The following XIRP2 variants were observed in gnomAD, a reference collection of about 807,000 sequenced individuals.
The protein encoded by XIRP2 is xin actin binding repeat containing 2.
Under a neutral mutation model 277.0 loss-of-function variants are expected in XIRP2, and 236 were observed. The ratio of observed to expected loss-of-function variants is 0.85; its 90% CI spans 0.77 to 0.95. XIRP2 has a LOEUF of 0.95. Among genes scored for constraint, XIRP2 ranks in the 40% least tolerant of loss-of-function variants. The pLI is 0.00. For synonymous variants in XIRP2, 1,490 were observed against 1,416.5 expected, an observed-to-expected ratio of 1.05 and a Z score of -1.17; for missense variants, 4,640 against 4,157.5, an observed-to-expected ratio of 1.12 and a Z score of -3.19.
chr2:167,257,942 G>A lies in XIRP2; in HGVS notation c.*125G>A. On this transcript the variant is annotated 3_prime_UTR_variant, in exon 11 of 11. Coordinates refer to ENST00000409195, the MANE Select transcript of XIRP2 (RefSeq NM_152381.6). ...TTTCAAATCCAAAGGAAATTATGATGAAGGTTTTGGACATAAGCAGCATAA... is the reference window on the plus strand; with the variant it reads ...TTTCAAATCCAAAGGAAATTATGATAAAGGTTTTGGACATAAGCAGCATAA... 6.2e-7 allele frequency: 1 copy of A among 1,612,830 alleles called. No homozygotes were observed. Among genetic ancestry groups the A allele is most frequent in the Non-Finnish European group, 8.5e-7 (1 of 1,179,344 alleles).
chr2:167,171,419 C>A (rs73970873), intron 3 of XIRP2, among the ~76,000 whole-genome samples: 2,850 of 152,020 alleles, frequency 0.019, 100 homozygotes, highest in African/African-American at 0.065. Flanking sequence ...TTACTGATTT[C>A]TAATTTAATG....
Position 166,996,698 on chromosome 2 carries a change from T to C in XIRP2, c.408+92808T>C, listed in dbSNP as rs10084447. Among the ~76,000 whole-genome samples, 441 of 152,188 alleles carry C rather than the reference T, an allele frequency of 2.9e-3. 2 individuals are homozygous for C. Among genetic ancestry groups the C allele is most frequent in the African/African-American group, 7.3e-3 (303 of 41,510 alleles). ...TCAGTATGTTTCAGAATTCTATATA[T>C]CTAGTGTAATACAATAAAATTGTAG... On this transcript the variant is annotated intron_variant, in intron 2 of 10. Coordinates refer to ENST00000409195, the MANE Select transcript of XIRP2 (RefSeq NM_152381.6).
intron 2 of XIRP2, among the ~76,000 whole-genome samples, chr2:167,108,221 AT>A (rs1290201210): frequency 6.6e-6 from 1 of 151,768 alleles, no homozygotes; most frequent in African/African-American, 2.4e-5. Context: ...GTTCTTAGTA[AT>A]TTTGTGTCAT....
At chr2:167,223,057 T>C (rs374987574) in intron 5 of XIRP2, among the ~76,000 whole-genome samples, 144 of 152,292 alleles carry the variant, frequency 9.5e-4, no homozygotes, top group African/African-American at 3.3e-3. Context: ...TCTAGGACTT[T>C]CTTTGTGGCC....
chr2:167,252,018 T>C, intron 9 of XIRP2, 71 bp downstream of exon 9: 1 of 1,504,104 alleles, frequency 6.6e-7, no homozygotes, highest in African/African-American at 1.4e-5. Context: ...CAAAATGATG[T>C]ACAGTTAAAA....
rs139229474 is a variant in XIRP2, at chr2:167,222,582, G to A, written c.858+4282G>A. Among the ~76,000 whole-genome samples the A allele has an allele frequency of 5.3e-5, 8 of 152,288 alleles. No individual in the cohort carries two copies. The East Asian group carries it at 1.5e-3, about 29-fold the overall frequency. On this transcript the variant is annotated intron_variant, in intron 5 of 10. Transcript: ENST00000409195. The stretch of plus-strand genomic sequence containing the variant: ...TTTGTTTTAGGATTGAATTCTCAGT[G>A]TTTTATGCTAGTGAAAATCAGTAGG...
intron 2 of XIRP2, among the ~76,000 whole-genome samples, chr2:167,072,567 T>C (rs1574225843): frequency 6.6e-6 from 1 of 152,270 alleles, no homozygotes; most frequent in East Asian, 1.9e-4. Flanking sequence ...TATAGAGTAA[T>C]TATATATACG....
intron 2 of XIRP2, among the ~76,000 whole-genome samples, chr2:167,087,486 G>T (rs557733224): frequency 6.6e-6 from 1 of 152,158 alleles, no homozygotes. Context: ...CGAGCTTCCC[G>T]GCTGCTTTGT....
intron 2 of XIRP2, among the ~76,000 whole-genome samples, chr2:167,043,313 G>A (rs956916551): frequency 1.3e-5 from 2 of 151,804 alleles, no homozygotes; most frequent in African/African-American, 4.8e-5. Flanking sequence ...GGTAACAGGA[G>A]GAAAGAAATA....
intron 5 of XIRP2, among the ~76,000 whole-genome samples, chr2:167,236,203 A>G (rs1694894961): frequency 6.6e-6 from 1 of 151,794 alleles, no homozygotes; most frequent in Non-Finnish European, 1.5e-5. Flanking sequence ...TTTCTATTGG[A>G]TATACTTCCA....
chr2:167,009,015 T>C (rs1225638265), intron 2 of XIRP2, among the ~76,000 whole-genome samples: 2 of 151,432 alleles, frequency 1.3e-5, no homozygotes, highest in Non-Finnish European at 3.0e-5. Context: ...TCTTTTATAT[T>C]AGCCACTGCT....
At chr2:166,908,900 C>T (rs1344271600) in intron 2 of XIRP2, among the ~76,000 whole-genome samples, 2 of 152,082 alleles carry the variant, frequency 1.3e-5, no homozygotes, top group Non-Finnish European at 2.9e-5. Context: ...TTGTTTTTGT[C>T]AGGTTTGTCA....
intron 2 of XIRP2, among the ~76,000 whole-genome samples, chr2:166,955,227 AGC>A (rs1646731820): frequency 6.6e-6 from 1 of 151,900 alleles, no homozygotes; most frequent in African/African-American, 2.4e-5. Flanking sequence ...AAAACTATTC[AGC>A]CATAAGAAAG....
intron 2 of XIRP2, among the ~76,000 whole-genome samples, chr2:166,912,869 C>T (rs1342300699): frequency 1.3e-5 from 1 of 77,422 alleles, no homozygotes; most frequent in Non-Finnish European, 2.1e-5. Flanking sequence ...GCTGGAGGTC[C>T]ACTCGAGACC....
At chr2:167,188,213 C>T (rs1334257887) in intron 3 of XIRP2, among the ~76,000 whole-genome samples, 2 of 152,168 alleles carry the variant, frequency 1.3e-5, no homozygotes, top group Non-Finnish European at 2.9e-5. Flanking sequence ...TATACTGTTT[C>T]AAATGGATTT....
chr2:166,918,626 A>G (rs1368168315), intron 2 of XIRP2, among the ~76,000 whole-genome samples: 1 of 152,170 alleles, frequency 6.6e-6, no homozygotes, highest in Non-Finnish European at 1.5e-5. Context: ...GGAAAAAACT[A>G]AAGTGGCATG....
chr2:167,249,377 G>C lies in XIRP2; in HGVS notation c.7985G>C (p.Ser2662Thr). 1.9e-6 allele frequency: 3 copies of C among 1,613,670 alleles called. No homozygotes were observed. Among genetic ancestry groups the C allele is most frequent in the Non-Finnish European group, 2.5e-6 (3 of 1,179,788 alleles). The change falls in exon 9 of 11, where the codon AGC (serine) becomes ACC (threonine). Residue 2662 changes from serine (S) to threonine (T), a missense_variant. By Grantham distance (58) the Ser-to-Thr change is moderately conservative. Coordinates refer to ENST00000409195, the MANE Select transcript of XIRP2 (RefSeq NM_152381.6). ...KDKMKKEVLQ[S>T]SRDIMQSKSA... Reference sequence around the variant, plus strand: ...AAGATGAAAAAGGAAGTTTTACAAAGCTCAAGGGACATTATGCAATCCAAA... The same window carrying C: ...AAGATGAAAAAGGAAGTTTTACAAACCTCAAGGGACATTATGCAATCCAAA...
At chr2:167,028,931 A>T (rs942885805) in intron 2 of XIRP2, among the ~76,000 whole-genome samples, 2 of 151,790 alleles carry the variant, frequency 1.3e-5, no homozygotes, top group Non-Finnish European at 2.9e-5. Flanking sequence ...ATACTGAAAA[A>T]TACCTCAGAG....
At chr2:167,154,732 A>G (rs1448674324) in intron 3 of XIRP2, among the ~76,000 whole-genome samples, 1 of 152,136 alleles carries the variant, frequency 6.6e-6, no homozygotes, top group Non-Finnish European at 1.5e-5. Context: ...AGAAGGCAAG[A>G]AATAACTAAA....
Sources: allele counts gnomAD v4.1 joint callset (sites outside exome capture counted in the v4.1 genomes callset), GRCh38; gene constraint gnomAD v4.1.1; transcripts MANE v1.5; gene names NCBI Gene and HGNC (gene_info 2026-07-23, HGNC 2026-07-21).